Variants in KDM4D observed in about 807,000 individuals in gnomAD.
KDM4D encodes the protein lysine-specific demethylase 4D.
For missense variants in KDM4D, 427 were observed against 674.8 expected (o/e 0.63, Z 4.07); for synonymous variants, 254 against 249.1 (o/e 1.02, Z -0.19).
chr11:94,975,899 T>C (rs1360509926), intron 2 of KDM4D, among the ~76,000 whole-genome samples, 151 bp downstream of exon 2: 1 of 152,184 alleles, frequency 6.6e-6, no homozygotes, highest in Non-Finnish European at 1.5e-5. Flanking sequence ...AATCACTTCA[T>C]TGATTTAACT....
chr11:94,995,960 G>T (rs587769045), intron 2 of KDM4D, among the ~76,000 whole-genome samples: 21 of 152,228 alleles, frequency 1.4e-4, no homozygotes, highest in Admixed American at 3.9e-4. Flanking sequence ...TGTCATGCTA[G>T]ATTGGTCCAT....
intron 2 of KDM4D, among the ~76,000 whole-genome samples, chr11:94,977,321 C>T (rs1410380856): frequency 6.6e-6 from 1 of 151,752 alleles, no homozygotes; most frequent in Non-Finnish European, 1.5e-5. Flanking sequence ...CCCCCATTAC[C>T]CTCACAGTAA....
chr11:94,992,122 A>G (rs1321426799), intron 2 of KDM4D, among the ~76,000 whole-genome samples: 2 of 152,136 alleles, frequency 1.3e-5, no homozygotes, highest in Non-Finnish European at 2.9e-5. Context: ...CTATAGGATA[A>G]TATTTATCTC....
At chr11:94,978,847 T>C (rs2134108678) in intron 2 of KDM4D, among the ~76,000 whole-genome samples, 1 of 152,332 alleles carries the variant, frequency 6.6e-6, no homozygotes, top group Admixed American at 6.5e-5. Context: ...GCATGTATTA[T>C]ATTACGAAGA....
At chr11:94,982,478 C>T (rs911203072) in intron 2 of KDM4D, among the ~76,000 whole-genome samples, 5 of 149,858 alleles carry the variant, frequency 3.3e-5, no homozygotes, top group Non-Finnish European at 5.9e-5. Flanking sequence ...GAATTTCTAC[C>T]AACTCAGTCA....
chr11:94,986,208 T>C (rs587770841), intron 2 of KDM4D, among the ~76,000 whole-genome samples: 9 of 152,278 alleles, frequency 5.9e-5, no homozygotes, highest in African/African-American at 2.2e-4. Flanking sequence ...AGGATTTGAA[T>C]AGAAATTTCT....
intron 2 of KDM4D, among the ~76,000 whole-genome samples, chr11:94,979,970 C>T (rs587705833): frequency 1.7e-4 from 26 of 152,312 alleles, no homozygotes; most frequent in African/African-American, 6.0e-4. Context: ...TATTAATTCA[C>T]ATGTTAATTG....
At chr11:94,979,177 T>C (rs1312888728) in intron 2 of KDM4D, among the ~76,000 whole-genome samples, 1 of 152,186 alleles carries the variant, frequency 6.6e-6, no homozygotes, top group Non-Finnish European at 1.5e-5. Flanking sequence ...TAATCAAGTA[T>C]AAAGCCCTCC....
intron 2 of KDM4D, among the ~76,000 whole-genome samples, chr11:94,995,329 A>G (rs1857966980): frequency 6.6e-6 from 1 of 152,238 alleles, no homozygotes; most frequent in Admixed American, 6.5e-5. Context: ...ATAGGATACT[A>G]TAAAGTGCTT....
intron 2 of KDM4D, among the ~76,000 whole-genome samples, chr11:94,991,045 T>G (rs1287717058): frequency 3.3e-5 from 5 of 152,236 alleles, no homozygotes. Flanking sequence ...TAAAGTGAAC[T>G]GTACAAGTAG....
chr11:94,974,892 T>C (rs1270095658), intron 1 of KDM4D, among the ~76,000 whole-genome samples: 1 of 152,210 alleles, frequency 6.6e-6, no homozygotes, highest in Non-Finnish European at 1.5e-5. Flanking sequence ...GTGTTGCATA[T>C]AGCCAAGAGA....
rs911928689 is a variant in KDM4D, at chr11:94,978,971, T to A, written c.-350+3223T>A. Among the ~76,000 whole-genome samples the A allele has an allele frequency of 7.2e-5, 11 of 152,262 alleles. No individual in the cohort carries two copies. The South Asian group carries it at 2.3e-3, about 32-fold the overall frequency. On this transcript the variant is annotated intron_variant, in intron 2 of 2. Coordinates refer to ENST00000335080, the MANE Select transcript of KDM4D (RefSeq NM_018039.3). ...AAATCTAAAATCATGGTGGGAATTT[T>A]TTTAAGATAAATTTCTCTCAGACGA... is the stretch of plus-strand genomic sequence containing the variant.
At chr11:94,976,098 C>G (rs1857795180) in intron 2 of KDM4D, among the ~76,000 whole-genome samples, 1 of 152,122 alleles carries the variant, frequency 6.6e-6, no homozygotes, top group Admixed American at 6.5e-5. Context: ...GAAAAAGAAA[C>G]TTAAGTTTAC....
At chr11:94,982,772 A>G (rs1857853175) in intron 2 of KDM4D, among the ~76,000 whole-genome samples, 1 of 152,014 alleles carries the variant, frequency 6.6e-6, no homozygotes, top group South Asian at 2.1e-4. Flanking sequence ...AAAAAATTAT[A>G]AAGTTCCTAA....
chr11:94,985,782 A>T (rs1857880243), intron 2 of KDM4D, among the ~76,000 whole-genome samples: 1 of 152,220 alleles, frequency 6.6e-6, no homozygotes, highest in South Asian at 2.1e-4. Context: ...TTTATGGTTA[A>T]CTGATTTTCA....
chr11:94,981,877 T>A (rs187336548), intron 2 of KDM4D, among the ~76,000 whole-genome samples: 360 of 151,600 alleles, frequency 2.4e-3, no homozygotes, highest in Non-Finnish European at 4.4e-3. Context: ...CTTTCTTTGC[T>A]GTTACTTTTT....
rs587673083 is a variant in KDM4D at position 94,990,006 on chromosome 11, A to G, written c.-349-7018A>G. Among the ~76,000 whole-genome samples, 3 of 151,948 alleles carry G rather than the reference A, an allele frequency of 2.0e-5. No homozygotes were observed. In the East Asian group the frequency reaches 5.8e-4, roughly 29 times the overall value. On this transcript the variant is annotated intron_variant, in intron 2 of 2. Coordinates refer to ENST00000335080, the MANE Select transcript of KDM4D (RefSeq NM_018039.3). ...ACTCCTCACCTCAGGTGTCCCACCC[A>G]CCTCGGCCTCCCAAAGTGCTGGGAT... is the stretch of plus-strand genomic sequence containing the variant.
intron 2 of KDM4D, among the ~76,000 whole-genome samples, chr11:94,977,984 G>GA (rs1464500889): frequency 6.6e-6 from 1 of 152,000 alleles, no homozygotes; most frequent in Non-Finnish European, 1.5e-5. Context: ...TATTTTAAAG[G>GA]AAAAAAGTAA....
intron 2 of KDM4D, among the ~76,000 whole-genome samples, chr11:94,982,709 C>A (rs1857852424): frequency 2.0e-5 from 3 of 151,432 alleles, no homozygotes; most frequent in Admixed American, 2.0e-4. Context: ...GATGTAAGAT[C>A]AATAAATAAT....
Sources: gnomAD v4.1 joint callset for allele counts (sites outside exome capture counted in the v4.1 genomes callset) on GRCh38, gnomAD v4.1.1 for gene constraint, MANE v1.5 for transcripts, NCBI Gene and HGNC (gene_info 2026-07-23, HGNC 2026-07-21) for gene names.